Variants in ZNF469 observed in about 807,000 individuals in gnomAD.
ZNF469 encodes the protein zinc finger protein 469.
A neutral mutation model predicts 1.0 loss-of-function variants in ZNF469; 1 was observed. The ratio of observed to expected loss-of-function variants is 1.00; its 90% CI spans 0.35 to 4.73. ZNF469 has a LOEUF of 4.73. Among genes scored for constraint, ZNF469 ranks in the 30% most tolerant of loss-of-function variants. The probability of loss-of-function intolerance (pLI) is 0.16; values close to 1 mark genes in which losing one functional copy is unlikely to be tolerated. For missense variants in ZNF469, 6,100 were observed against 5,356.3 expected, an observed-to-expected ratio of 1.14 and a Z score of -4.33; for synonymous variants, 2,703 against 2,363.4, an observed-to-expected ratio of 1.14 and a Z score of -4.17.
Position 88,429,796 on chromosome 16 carries a change from C to T in ZNF469, c.2326C>T (p.Pro776Ser), listed in dbSNP as rs1267748187. ...TCCAGGCCCCCCTGGGCTCCCCTCG[C>T]CCCCCGCTGCCCCCAGAGTCCCTGC... ...RSPGPPGLPS[P>S]PAAPRVPADA... Residue 776 changes from proline (P) to serine (S), a missense_variant, in exon 3 of 3, where the codon CCC becomes TCC. Transcript: ENST00000565624. 4.5e-6 allele frequency: 7 copies of T among 1,544,546 alleles called. No homozygotes were observed. The highest frequency in any genetic ancestry group is 1.2e-5 in the South Asian group (1 of 83,894).
At chr16:88,178,404 C>A in the ZNF469 span, 1 of 152,218 alleles carries the variant, frequency 6.6e-6, no homozygotes, top group Non-Finnish European at 1.5e-5. Flanking sequence ...GAGAACTGAG[C>A]ACTCCGACGT....
At chr16:88,149,874 G>A in the ZNF469 span, among the ~76,000 whole-genome samples, 1 of 152,172 alleles carries the variant, frequency 6.6e-6, no homozygotes, top group Admixed American at 6.5e-5. Flanking sequence ...ATCCTTCAAA[G>A]CCCTGTTCAC....
chr16:88,380,927 GACA>G (rs1567495735), upstream of ZNF469, among the ~76,000 whole-genome samples: 30 of 28,456 alleles, frequency 1.1e-3, 1 homozygote, highest in African/African-American at 0.01. Context: ...CACTCACACA[GACA>G]CGCACTCACA....
chr16:88,277,497 C>T, the ZNF469 span, among the ~76,000 whole-genome samples: 6 of 146,658 alleles, frequency 4.1e-5, no homozygotes, highest in East Asian at 2.0e-4. Flanking sequence ...CGCTGACACT[C>T]GGTCAGTACC....
chr16:88,173,755 G>C, the ZNF469 span, among the ~76,000 whole-genome samples: 1 of 152,072 alleles, frequency 6.6e-6, no homozygotes, highest in Non-Finnish European at 1.5e-5. Flanking sequence ...ATGTGAAGTG[G>C]AACAATATCA....
At chr16:88,214,816 CT>C in the ZNF469 span, among the ~76,000 whole-genome samples, 1 of 152,204 alleles carries the variant, frequency 6.6e-6, no homozygotes, top group Non-Finnish European at 1.5e-5. Flanking sequence ...ATCCACGTCC[CT>C]GCAAAGGACA....
the ZNF469 span, among the ~76,000 whole-genome samples, chr16:88,113,013 C>T: frequency 0.019 from 2,952 of 152,054 alleles, 35 homozygotes; most frequent in African/African-American, 0.031. Context: ...CTCCTGACCT[C>T]GTGATCCACC....
chr16:88,415,504 C>G (rs1247195399), intron 1 of ZNF469, among the ~76,000 whole-genome samples: 1 of 152,234 alleles, frequency 6.6e-6, no homozygotes, highest in Admixed American at 6.5e-5. Context: ...CACACTGAGA[C>G]TGAGCCCCCA....
the ZNF469 span, among the ~76,000 whole-genome samples, chr16:88,111,292 A>C: frequency 6.6e-6 from 1 of 152,190 alleles, no homozygotes; most frequent in Admixed American, 6.5e-5. Context: ...GTATATATTC[A>C]TGGGGTACAT....
chr16:88,429,310 A>G lies in ZNF469; in HGVS notation c.1840A>G (p.Ser614Gly). The G allele has an allele frequency of 6.5e-7, 1 of 1,549,908 alleles. No individual in the cohort carries two copies. Among genetic ancestry groups the G allele is most frequent in the African/African-American group, 1.4e-5 (1 of 73,112 alleles). Residue 614 changes from serine (S) to glycine (G), a missense_variant, in exon 3 of 3, where the codon AGC becomes GGC. Transcript: ENST00000565624. The part of the protein sequence containing the change: ...TCSSLSPMSS[S>G]PANPSSEESQ... ...CTCTTCCCTGTCGCCGATGTCCAGC[A>G]GCCCAGCCAACCCCAGCTCAGAGGA...
At chr16:88,311,856 G>C in the ZNF469 span, among the ~76,000 whole-genome samples, 2 of 151,982 alleles carry the variant, frequency 1.3e-5, no homozygotes, top group Non-Finnish European at 2.9e-5. Context: ...CTGAAGCTGC[G>C]TGCTTTCAAA....
the ZNF469 span, among the ~76,000 whole-genome samples, chr16:88,125,252 T>A: frequency 2.0e-5 from 3 of 152,228 alleles, no homozygotes; most frequent in Non-Finnish European, 4.4e-5. Flanking sequence ...CATGCTGTCT[T>A]GTGGTTTTAT....
chr16:88,117,673 G>A, the ZNF469 span, among the ~76,000 whole-genome samples: 1 of 152,274 alleles, frequency 6.6e-6, no homozygotes, highest in Admixed American at 6.5e-5. Context: ...CCGTGGAGGT[G>A]CCACGTGTCT....
At chr16:88,270,247 C>T in the ZNF469 span, among the ~76,000 whole-genome samples, 4 of 152,184 alleles carry the variant, frequency 2.6e-5, no homozygotes, top group Admixed American at 2.6e-4. Context: ...GACTCCAGCT[C>T]CTTGACCTTC....
the ZNF469 span, among the ~76,000 whole-genome samples, chr16:88,286,242 G>T: frequency 1.3e-5 from 2 of 152,254 alleles, no homozygotes; most frequent in Non-Finnish European, 2.9e-5. Flanking sequence ...TCACCACAGA[G>T]TCCTGAATGG....
intron 1 of ZNF469, among the ~76,000 whole-genome samples, chr16:88,417,125 G>A (rs1292851964): frequency 6.6e-6 from 1 of 152,172 alleles, no homozygotes. Context: ...TGTCTGCTGG[G>A]CCTCCCCCAG....
the ZNF469 span, among the ~76,000 whole-genome samples, chr16:88,211,228 G>A: frequency 1.1e-4 from 16 of 152,228 alleles, no homozygotes; most frequent in African/African-American, 3.9e-4. Context: ...TACACGGAGG[G>A]TATTGATTCT....
chr16:88,387,176 G>A (rs924472844), intron 1 of ZNF469, among the ~76,000 whole-genome samples: 2 of 152,178 alleles, frequency 1.3e-5, no homozygotes, highest in Non-Finnish European at 2.9e-5. Context: ...GACGCCGTCC[G>A]CACCCCTGAG....
chr16:88,286,454 G>A, the ZNF469 span, among the ~76,000 whole-genome samples: 43 of 152,314 alleles, frequency 2.8e-4, no homozygotes, highest in African/African-American at 9.6e-4. Context: ...TCTGAACGCC[G>A]GGTATTTACA....
Sources: allele counts gnomAD v4.1 joint callset (sites outside exome capture counted in the v4.1 genomes callset), GRCh38; gene constraint gnomAD v4.1.1; transcripts MANE v1.5; gene names NCBI Gene and HGNC (gene_info 2026-07-23, HGNC 2026-07-21).